Variants in BMAL2 observed in about 807,000 individuals in gnomAD.
The protein encoded by BMAL2 is basic helix-loop-helix ARNT like 2, also known as basic helix-loop-helix ARNT-like protein 2.
At chr12:27,401,692 T>G in the BMAL2 span, 19 of 1,529,746 alleles carry the variant, frequency 1.2e-5, no homozygotes, top group Non-Finnish European at 1.5e-5. Context: ...ATTTTTTATG[T>G]TAAGACCTTT....
the BMAL2 span, among the ~76,000 whole-genome samples, chr12:27,339,688 G>T: frequency 5.2e-4 from 79 of 151,154 alleles, 1 homozygote; most frequent in South Asian, 0.017. Context: ...GCAGTGGTGC[G>T]ATCTCTGCTC....
At chr12:27,423,218 T>G in the BMAL2 span, 1 of 152,138 alleles carries the variant, frequency 6.6e-6, no homozygotes, top group Admixed American at 6.5e-5. Flanking sequence ...ACTATGTTCC[T>G]TTTTTCTACT....
At chr12:27,341,863 A>G in the BMAL2 span, among the ~76,000 whole-genome samples, 1 of 152,170 alleles carries the variant, frequency 6.6e-6, no homozygotes, top group African/African-American at 2.4e-5. Context: ...TACTCCTAAT[A>G]TGAAAAGAGC....
chr12:27,341,597 A>G, the BMAL2 span, among the ~76,000 whole-genome samples: 4 of 152,226 alleles, frequency 2.6e-5, no homozygotes, highest in Non-Finnish European at 4.4e-5. Flanking sequence ...GTGACAGCCT[A>G]TTGGGAAGCA....
the BMAL2 span, among the ~76,000 whole-genome samples, chr12:27,357,588 G>T: frequency 4.6e-5 from 7 of 152,128 alleles, no homozygotes; most frequent in Admixed American, 4.6e-4. Flanking sequence ...GAACAAATCT[G>T]CAGGCATCAC....
At chr12:27,358,724 G>T in the BMAL2 span, among the ~76,000 whole-genome samples, 1 of 151,946 alleles carries the variant, frequency 6.6e-6, no homozygotes, top group Admixed American at 6.6e-5. Flanking sequence ...TCTGTATTTG[G>T]TTAATATATC....
the BMAL2 span, chr12:27,401,240 T>C: frequency 6.2e-7 from 1 of 1,600,954 alleles, no homozygotes; most frequent in South Asian, 1.1e-5. Flanking sequence ...GAAGTTTATT[T>C]TCAATTTTGA....
At chr12:27,378,040 C>G in the BMAL2 span, among the ~76,000 whole-genome samples, 14 of 152,106 alleles carry the variant, frequency 9.2e-5, no homozygotes, top group African/African-American at 3.4e-4. Context: ...TCCCACTTAC[C>G]CTCTTTCTCA....
At chr12:27,391,654 C>G in the BMAL2 span, among the ~76,000 whole-genome samples, 1 of 152,214 alleles carries the variant, frequency 6.6e-6, no homozygotes. Flanking sequence ...ACATTCCCAA[C>G]AGTGTATAAG....
chr12:27,401,418 C>T, the BMAL2 span: 1 of 1,555,274 alleles, frequency 6.4e-7, no homozygotes, highest in Admixed American at 1.7e-5. Context: ...ACAGTTTTAA[C>T]TCTTAATTTC....
At chr12:27,361,787 T>TG in the BMAL2 span, among the ~76,000 whole-genome samples, 1 of 152,202 alleles carries the variant, frequency 6.6e-6, no homozygotes, top group Non-Finnish European at 1.5e-5. Flanking sequence ...ATTTTCCTTT[T>TG]GCTTACAGAA....
chr12:27,389,009 C>T, the BMAL2 span, among the ~76,000 whole-genome samples: 2 of 152,120 alleles, frequency 1.3e-5, no homozygotes, highest in Non-Finnish European at 2.9e-5. Context: ...TTTCTGTCTA[C>T]AAGTATCACC....
the BMAL2 span, among the ~76,000 whole-genome samples, chr12:27,347,315 T>A: frequency 2.6e-5 from 4 of 152,216 alleles, no homozygotes; most frequent in Non-Finnish European, 4.4e-5. Flanking sequence ...GCATAAATGA[T>A]CTTATTTCTC....
chr12:27,375,742 A>G, the BMAL2 span, among the ~76,000 whole-genome samples: 1 of 152,246 alleles, frequency 6.6e-6, no homozygotes, highest in African/African-American at 2.4e-5. Context: ...TGATTTTTAA[A>G]TGCTGACAGT....
the BMAL2 span, among the ~76,000 whole-genome samples, chr12:27,347,462 G>A: frequency 6.6e-6 from 1 of 152,090 alleles, no homozygotes; most frequent in Non-Finnish European, 1.5e-5. Context: ...AGTCTCTTTT[G>A]CCACCATCAT....
the BMAL2 span, among the ~76,000 whole-genome samples, chr12:27,378,826 G>A: frequency 2.0e-5 from 3 of 152,208 alleles, no homozygotes; most frequent in Admixed American, 2.0e-4. Flanking sequence ...ATGACAGAGG[G>A]GATGGAGAGG....
the BMAL2 span, among the ~76,000 whole-genome samples, chr12:27,418,350 C>G: frequency 6.6e-6 from 1 of 152,254 alleles, no homozygotes; most frequent in East Asian, 1.9e-4. Flanking sequence ...CCTGTAATCC[C>G]AGCACTTTGG....
the BMAL2 span, among the ~76,000 whole-genome samples, chr12:27,351,668 C>T: frequency 6.6e-6 from 1 of 152,188 alleles, no homozygotes; most frequent in East Asian, 1.9e-4. Context: ...TAGCCAATTC[C>T]AAGCTTGTTT....
At chr12:27,414,386 A>T in the BMAL2 span, among the ~76,000 whole-genome samples, 1 of 152,202 alleles carries the variant, frequency 6.6e-6, no homozygotes, top group Non-Finnish European at 1.5e-5. Context: ...ACTCTCCAGG[A>T]TAGGTGATAT....
Sources: gnomAD v4.1 joint callset for allele counts (sites outside exome capture counted in the v4.1 genomes callset) on GRCh38, gnomAD v4.1.1 for gene constraint, MANE v1.5 for transcripts, NCBI Gene and HGNC (gene_info 2026-07-23, HGNC 2026-07-21) for gene names.